KCNAB2: variants seen among roughly 807,000 people sequenced by gnomAD.
KCNAB2 encodes the protein potassium voltage-gated channel subfamily A regulatory beta subunit 2.
In KCNAB2, 29 loss-of-function variants were observed where a neutral mutation model predicts 63.6. The ratio of observed to expected loss-of-function variants is 0.46; its 90% CI spans 0.34 to 0.62. The LOEUF is 0.62. KCNAB2 is among the 20% of genes least tolerant of loss of function. KCNAB2 has a pLI of 0.01. For missense variants in KCNAB2, 359 were observed against 563.9 expected (o/e 0.64, Z 3.68); for synonymous variants, 222 against 224.2 (o/e 0.99, Z 0.09).
intron 1 of KCNAB2, among the ~76,000 whole-genome samples, chr1:6,038,575 G>A (rs1301199244): frequency 5.9e-5 from 9 of 152,020 alleles, no homozygotes; most frequent in Non-Finnish European, 1.2e-4. Flanking sequence ...TCGGCCTCCC[G>A]AAGTGCTGGT....
At chr1:6,070,953 T>G (rs116816856) in intron 2 of KCNAB2, among the ~76,000 whole-genome samples, 16,085 of 152,154 alleles carry the variant, frequency 0.11, 2,736 homozygotes, top group African/African-American at 0.36. Context: ...GGAGCAATAT[T>G]GCTGGCAGCT....
upstream of KCNAB2, among the ~76,000 whole-genome samples, chr1:6,044,214 C>T (rs762159865): frequency 4.6e-5 from 7 of 152,186 alleles, no homozygotes; most frequent in Non-Finnish European, 1.0e-4. Flanking sequence ...TGGCAAAGGG[C>T]ATGGGTACAG....
At position 6,003,355 on chromosome 1, in the gene KCNAB2, G is replaced by A. The variant is rs1657370119; in HGVS notation, c.-53+10567G>A. Reference sequence around the variant, plus strand: ...ACCAGAGCAGGGTCATGGGGTCAGAGGCAGGGTCCGTGTGGTGTGGAGCAG... The same window carrying A: ...ACCAGAGCAGGGTCATGGGGTCAGAAGCAGGGTCCGTGTGGTGTGGAGCAG... On this transcript the variant is annotated intron_variant, in intron 1 of 16. Coordinates refer to the KCNAB2 transcript ENST00000341524. The surrounding 1 kb of genome is among the most constrained non-coding windows in gnomAD (Gnocchi z 4.1). Among the ~76,000 whole-genome samples the A allele has an allele frequency of 6.6e-6, 1 of 152,168 alleles. No individual in the cohort carries two copies. The highest frequency in any genetic ancestry group is 1.5e-5 in the Non-Finnish European group (1 of 68,030).
In KCNAB2 at chr1:6,071,831, TAGGGCACCTCCTGCCGCG is replaced by T. The variant is rs1341576927; in HGVS notation, c.219-905_219-888del. 4.9e-5 allele frequency among the ~76,000 whole-genome samples: 7 copies of T among 143,998 alleles called. No individual in the cohort carries two copies. The highest frequency in any genetic ancestry group is 2.1e-4 in the East Asian group (1 of 4,822). 94.5% of individuals were successfully genotyped at this position (143,998 alleles called of 152,430 possible). On this transcript the variant is annotated intron_variant, in intron 2 of 15. Transcript: ENST00000378083. This position sits in a 1 kb window ranked among gnomAD's most constrained non-coding sequence, Gnocchi z 8.5. ...TGCCGCGAGGGCACCTCCTGCCGCA[TAGGGCACCTCCTGCCGCG>T]AGGGCACCTCCTGCCGCGTGGGCTC...
chr1:6,032,599 AAAGC>A (rs1659704978), upstream of KCNAB2, among the ~76,000 whole-genome samples: 1 of 151,716 alleles, frequency 6.6e-6, no homozygotes, highest in Admixed American at 6.6e-5. Flanking sequence ...AGAGAGAGAG[AAAGC>A]AAGCAAGAAA....
intron 2 of KCNAB2, among the ~76,000 whole-genome samples, chr1:6,065,170 G>A (rs1206201130): frequency 1.3e-5 from 2 of 152,202 alleles, no homozygotes; most frequent in African/African-American, 2.4e-5. Flanking sequence ...GGCTGTGACC[G>A]GAGCAAGCAC....
upstream of KCNAB2, among the ~76,000 whole-genome samples, chr1:6,042,225 C>T (rs1660555253): frequency 6.6e-6 from 1 of 152,178 alleles, no homozygotes; most frequent in African/African-American, 2.4e-5. Context: ...TGCCCTGCTT[C>T]CATTATCAGA....
chr1:6,076,370 G>A (rs544773126), intron 4 of KCNAB2, among the ~76,000 whole-genome samples: 48 of 152,330 alleles, frequency 3.2e-4, no homozygotes, highest in African/African-American at 8.4e-4. Context: ...CTAAAATGAC[G>A]TAATGCCTGT....
rs565681044 is a variant in KCNAB2, at chr1:6,000,803, G to A, written c.-53+8015G>A. Among the ~76,000 whole-genome samples the A allele has an allele frequency of 9.2e-5, 14 of 152,296 alleles. No homozygotes were observed. The East Asian group carries it at 1.2e-3, about 13-fold the overall frequency. On this transcript the variant is annotated intron_variant, in intron 1 of 16. Transcript: ENST00000341524. Reference sequence around the variant, plus strand: ...CCTCTCCAGGGCAGTGCTACAGTGAGACCAGGGTCTGGGGAATGTCACTTG... The same window carrying A: ...CCTCTCCAGGGCAGTGCTACAGTGAAACCAGGGTCTGGGGAATGTCACTTG...
At chr1:6,043,417 C>G (rs549153320), upstream of KCNAB2, among the ~76,000 whole-genome samples, 2 of 152,312 alleles carry the variant, frequency 1.3e-5, no homozygotes, top group Admixed American at 6.5e-5. Context: ...GTTGTCCCCC[C>G]CGCCGGGATC....
At position 6,049,932 on chromosome 1, in the gene KCNAB2, C is replaced by T. The variant is rs1661247728; in HGVS notation, c.-26-1579C>T. Reference sequence around the variant, plus strand: ...CCCCCTCTCTGGGTGCACATATAGGCAGAGCAGTGAAAGGTCAGCAGGCTG... The same window carrying T: ...CCCCCTCTCTGGGTGCACATATAGGTAGAGCAGTGAAAGGTCAGCAGGCTG... On this transcript the variant is annotated intron_variant, in intron 1 of 15. Coordinates refer to ENST00000378083, the MANE Select transcript of KCNAB2 (RefSeq NM_001199862.2). Among the ~76,000 whole-genome samples the T allele has an allele frequency of 6.6e-5, 10 of 152,282 alleles. No individual in the cohort carries two copies. In the South Asian group the frequency reaches 2.1e-3, roughly 32 times the overall value.
At position 6,100,440 on chromosome 1, in the gene KCNAB2, T is replaced by TC. The variant is rs1291187374; in HGVS notation, c.*1868dup. The TC allele has an allele frequency of 6.0e-6, 1 of 166,136 alleles. No individual in the cohort carries two copies. Among genetic ancestry groups the TC allele is most frequent in the Non-Finnish European group, 1.3e-5 (1 of 77,548 alleles). 10.3% of individuals were successfully genotyped at this position (166,136 alleles called of 1,614,324 possible). ...TGGGCCCAGGTGGGGGTCGCCTGCT[T>TC]CCTTCCCGGACAGGGTCCTGCAGTG... On this transcript the variant is annotated 3_prime_UTR_variant, in exon 16 of 16. Transcript: ENST00000378083.
At chr1:6,092,567 C>T (rs1020654851) in intron 10 of KCNAB2, among the ~76,000 whole-genome samples, 6 of 152,236 alleles carry the variant, frequency 3.9e-5, no homozygotes, top group African/African-American at 1.4e-4. Flanking sequence ...GCTGCATGCT[C>T]ACAGGTGCCC....
intron 1 of KCNAB2, among the ~76,000 whole-genome samples, chr1:6,026,882 C>T (rs1205933502): frequency 4.6e-5 from 7 of 152,174 alleles, no homozygotes; most frequent in Non-Finnish European, 7.4e-5. Flanking sequence ...TGCTGTCTCT[C>T]GGGAGGCCCT....
In KCNAB2 at chr1:6,003,498, C is replaced by T. The variant is rs1657380651; in HGVS notation, c.-53+10710C>T. 6.6e-6 allele frequency among the ~76,000 whole-genome samples: 1 copy of T among 152,244 alleles called. No homozygotes were observed. Among genetic ancestry groups the T allele is most frequent in the Non-Finnish European group, 1.5e-5 (1 of 68,038 alleles). ...CCAGCCAGGAGCACTCACTGAGTGGCCACATTATACCCTCCCGTTTGTCTA... is the reference window on the plus strand; with the variant it reads ...CCAGCCAGGAGCACTCACTGAGTGGTCACATTATACCCTCCCGTTTGTCTA... On this transcript the variant is annotated intron_variant, in intron 1 of 16. Transcript: ENST00000341524. This position sits in a 1 kb window ranked among gnomAD's most constrained non-coding sequence, Gnocchi z 4.1.
chr1:6,098,740 C>A lies in KCNAB2; in HGVS notation c.*166C>A. On this transcript the variant is annotated 3_prime_UTR_variant, in exon 16 of 16. Transcript: ENST00000378083. ...CTCCCAAGTCGCTGCCAGACACCAC[C>A]CACTGCTTCGCCGGACAATGTCGAA... 1.2e-6 allele frequency: 1 copy of A among 838,452 alleles called. No individual in the cohort carries two copies. Among genetic ancestry groups the A allele is most frequent in the Non-Finnish European group, 1.8e-6 (1 of 551,758 alleles). The allele number at this position is 838,452 out of a possible 1,614,324, so 51.9% of individuals were successfully genotyped here.
intron 9 of KCNAB2, 81 bp from the exon 10 acceptor site, chr1:6,091,182 C>A: frequency 2.9e-6 from 3 of 1,020,472 alleles, no homozygotes; most frequent in Non-Finnish European, 4.4e-6. Context: ...TGTGCCTCCC[C>A]GCTGTGCCTT....
At chr1:6,083,090 G>A (rs1664350322) in intron 5 of KCNAB2, among the ~76,000 whole-genome samples, 1 of 152,120 alleles carries the variant, frequency 6.6e-6, no homozygotes, top group Non-Finnish European at 1.5e-5. Context: ...GGCTGCCGCT[G>A]GGACCCTCAA....
rs115346071 is a variant in KCNAB2 at position 6,024,616 on chromosome 1, G to A, written c.-52-15901G>A. Among the ~76,000 whole-genome samples the A allele has an allele frequency of 1.4e-3, 207 of 152,296 alleles. No homozygotes were observed. The highest frequency in any genetic ancestry group is 4.8e-3 in the African/African-American group (199 of 41,568). ...CATCCCCTAGCTTTTACCTCTGCTC[G>A]TGAGATTCAGCATCTGCAGCTGTGG... On this transcript the variant is annotated intron_variant, in intron 1 of 16. Coordinates refer to the KCNAB2 transcript ENST00000341524. The surrounding 1 kb of genome is among the most constrained non-coding windows in gnomAD (Gnocchi z 5.4).
Sources: gnomAD v4.1 joint callset for allele counts (sites outside exome capture counted in the v4.1 genomes callset) on GRCh38, gnomAD v4.1.1 for gene constraint, Gnocchi (gnomAD v3.1) non-coding constraint, MANE v1.5 for transcripts, NCBI Gene and HGNC (gene_info 2026-07-23, HGNC 2026-07-21) for gene names.